The following PLA2G4B variants were observed in gnomAD, a reference collection of about 807,000 sequenced individuals.
The protein encoded by PLA2G4B is cytosolic phospholipase A2 beta.
PLA2G4B carries 122 observed loss-of-function variants against 95.8 expected under a neutral mutation model. The observed-to-expected ratio is 1.27, with a 90% CI of 1.10 to 1.48. The LOEUF is 1.48. Ranked by LOEUF, PLA2G4B falls within the 40% of genes most tolerant of loss-of-function variation. The probability of loss-of-function intolerance (pLI) is 0.00; values close to 1 mark genes in which losing one functional copy is unlikely to be tolerated. For missense variants in PLA2G4B, 1,158 were observed against 996.2 expected (o/e 1.16, Z -2.19); for synonymous variants, 518 against 421.5 (o/e 1.23, Z -2.80).
intron 17 of PLA2G4B, 70 bp downstream of exon 17, chr15:41,846,452 C>T (rs1316449137): frequency 1.5e-5 from 23 of 1,548,386 alleles, no homozygotes; most frequent in Non-Finnish European, 1.8e-5. Flanking sequence ...ATACCCCTCA[C>T]AGTCCACTCC....
chr15:41,844,870 G>A lies in PLA2G4B; in HGVS notation c.1039G>A (p.Asp347Asn). The A allele has an allele frequency of 6.2e-7, 1 of 1,608,866 alleles. No individual in the cohort carries two copies. The highest frequency in any genetic ancestry group is 8.5e-7 in the Non-Finnish European group (1 of 1,177,996). The change falls in exon 13 of 20, where the codon GAC (aspartate) becomes AAC (asparagine). Residue 347 changes from aspartate to asparagine, a missense_variant. Physicochemically the swap from Asp to Asn is conservative, Grantham distance 23. Transcript: ENST00000458483. ...CAGGGCCTTGGCCAACCTTTATGAG[G>A]ACCCAGAGTGGTCTCAGAAGGACCT... ...STWALANLYE[D>N]PEWSQKDLAG... is the part of the protein sequence containing the mutation.
chr15:41,846,686 C>T lies in PLA2G4B; in HGVS notation c.1798C>T (p.Leu600Phe). 1 of 1,611,238 alleles carries T rather than the reference C, an allele frequency of 6.2e-7. No individual in the cohort carries two copies. Among genetic ancestry groups the T allele is most frequent in the Non-Finnish European group, 8.5e-7 (1 of 1,178,056 alleles). ...CCTTCCAGCTACCACTCTGGATGGG[C>T]TCCCCAACCAGCTGACACCCTCGGA... Reference protein sequence around the residue: ...STWKATTLDGLPNQLTPSEPH... With the variant: ...STWKATTLDGFPNQLTPSEPH... The change falls in exon 18 of 20, where the codon CTC becomes TTC. Residue 600 changes from leucine to phenylalanine, a missense_variant. Physicochemically the swap from Leu to Phe is conservative, Grantham distance 22. Transcript: ENST00000458483.
chr15:41,845,523 A>T (rs1044088087), intron 14 of PLA2G4B, 115 bp from the exon 15 acceptor site: 1 of 1,515,500 alleles, frequency 6.6e-7, no homozygotes, highest in Non-Finnish European at 8.8e-7. Flanking sequence ...AGCCCAGGCC[A>T]CAAGGCCTGG....
In PLA2G4B at chr15:41,840,150, C is replaced by T. The variant is rs755979718; in HGVS notation, c.10-8C>T. On this transcript the variant is annotated splice_polypyrimidine_tract_variant and splice_region_variant and intron_variant, in intron 1 of 19. Coordinates refer to ENST00000458483, the MANE Select transcript of PLA2G4B (RefSeq NM_001114633.2). ...CCGTAGCAGGTCTCCCCTCTCCCAC[C>T]TCTGCAGGCAGAGGTGTCCAGGACC... The T allele has an allele frequency of 3.7e-6, 6 of 1,612,738 alleles. No homozygotes were observed. The African/African-American group carries it at 4.0e-5, about 11-fold the overall frequency.
At chr15:41,847,226 T>G (rs945017702) in intron 18 of PLA2G4B, 111 bp from the exon 19 acceptor site, 1 of 1,472,610 alleles carries the variant, frequency 6.8e-7, no homozygotes, top group African/African-American at 1.4e-5. Flanking sequence ...TAGGCCCCAC[T>G]GGAGACCGTT....
At chr15:41,840,256 G>A (rs1010094236) in intron 2 of PLA2G4B, 26 bp downstream of exon 2, 1 of 1,611,582 alleles carries the variant, frequency 6.2e-7, no homozygotes, top group Non-Finnish European at 8.5e-7. Context: ...CCTGGCCCCT[G>A]TGCTGGGCTG....
intron 16 of PLA2G4B, 40 bp downstream of exon 16, chr15:41,846,087 G>C (rs750250378): frequency 1.3e-6 from 2 of 1,569,230 alleles, no homozygotes; most frequent in East Asian, 4.5e-5. Flanking sequence ...CCAAGGGGCA[G>C]CCAGCTGGGG....
intron 5 of PLA2G4B, 64 bp downstream of exon 5, chr15:41,841,159 T>TG: frequency 6.2e-7 from 1 of 1,613,930 alleles, no homozygotes; most frequent in Non-Finnish European, 8.5e-7. Context: ...CACTAGTGCC[T>TG]GGGGGATGCC....
At position 41,840,636 on chromosome 15, in the gene PLA2G4B, C is replaced by T; in HGVS notation, c.195C>T (p.His65=). 1 of 1,613,826 alleles carries T rather than the reference C, an allele frequency of 6.2e-7. No individual in the cohort carries two copies. The highest frequency in any genetic ancestry group is 1.7e-5 in the Admixed American group (1 of 60,000). ...SSSPVWNQSF[H]FRIHRQLKNV... ...GCCCTGTCTGGAACCAGAGCTTTCA[C>T]TTCAGGATCCACAGGCAGCTCAAGG... Residue 65 remains histidine (H), a synonymous_variant, in exon 3 of 20, where the codon CAC becomes CAT. Transcript: ENST00000458483.
In PLA2G4B at chr15:41,847,915, C is replaced by A; in HGVS notation, c.*55C>A. The A allele has an allele frequency of 1.3e-6, 2 of 1,560,276 alleles. No individual in the cohort carries two copies. The highest frequency in any genetic ancestry group is 1.7e-6 in the Non-Finnish European group (2 of 1,157,402). On this transcript the variant is annotated 3_prime_UTR_variant, in exon 20 of 20. Transcript: ENST00000458483. ...CATTCATTCCCTGGCTGCTGAGTTG[C>A]AGGTGGGAACTGTCATCACGCAGTG...
In PLA2G4B at chr15:41,846,716, C is replaced by A. The variant is rs765425966; in HGVS notation, c.1828C>A (p.His610Asn). 2.5e-6 allele frequency: 4 copies of A among 1,613,952 alleles called. No individual in the cohort carries two copies. Among genetic ancestry groups the A allele is most frequent in the Middle Eastern group, 1.7e-4 (1 of 6,060 alleles). Residue 610 changes from histidine to asparagine, a missense_variant, in exon 18 of 20, where the codon CAC becomes AAC. His to Asn is a moderately conservative substitution (Grantham distance 68, BLOSUM62 1). Coordinates refer to ENST00000458483, the MANE Select transcript of PLA2G4B (RefSeq NM_001114633.2). Reference protein sequence around the residue: ...LPNQLTPSEPHLCLLDVGYLI... With the variant: ...LPNQLTPSEPNLCLLDVGYLI... ...CAACCAGCTGACACCCTCGGAGCCCCACCTGTGCCTGCTGGATGTTGGCTA... is the reference window on the plus strand; with the variant it reads ...CAACCAGCTGACACCCTCGGAGCCCAACCTGTGCCTGCTGGATGTTGGCTA...
At chr15:41,840,131 C>G in intron 1 of PLA2G4B, 27 bp from the exon 2 acceptor site, 1 of 1,609,798 alleles carries the variant, frequency 6.2e-7, no homozygotes, top group East Asian at 2.2e-5. Context: ...CGGCCCGTAG[C>G]AGGTCTCCCC....
At chr15:41,842,021 GACCTCTGCTCC>G in intron 8 of PLA2G4B, 72 bp downstream of exon 8, 2 of 1,570,536 alleles carry the variant, frequency 1.3e-6, no homozygotes, top group Non-Finnish European at 1.7e-6. Flanking sequence ...CTCCCAGTCT[GACCTCTGCTCC>G]ACCTGGCAGA....
Position 41,841,212 on chromosome 15 carries a change from C to T in PLA2G4B, c.393-19C>T, listed in dbSNP as rs1471498909. The T allele has an allele frequency of 2.5e-6, 4 of 1,613,832 alleles. No homozygotes were observed. In the Admixed American group the frequency reaches 5.0e-5, roughly 20 times the overall value. ...GGAACCTGGACTCCTGCTAAGGGGG[C>T]TCTGGGGGCTCTTTCCAGGGCTGAC... On this transcript the variant is annotated intron_variant, in intron 5 of 19. Coordinates refer to ENST00000458483, the MANE Select transcript of PLA2G4B (RefSeq NM_001114633.2).
At position 41,845,685 on chromosome 15, in the gene PLA2G4B, G is replaced by C. The variant is rs764723871; in HGVS notation, c.1405G>C (p.Ala469Pro). ...PYEVGFPKYG[A>P]FIPSELFGSE... Reference sequence around the variant, plus strand: ...CGAGGTCGGCTTCCCCAAGTACGGGGCCTTCATCCCCTCTGAGCTCTTTGG... The same window carrying C: ...CGAGGTCGGCTTCCCCAAGTACGGGCCCTTCATCCCCTCTGAGCTCTTTGG... The change falls in exon 15 of 20, where the codon GCC becomes CCC. Residue 469 changes from alanine to proline, a missense_variant. Ala to Pro is a conservative substitution (Grantham distance 27). Transcript: ENST00000458483. The C allele has an allele frequency of 1.1e-4, 172 of 1,614,026 alleles. No individual in the cohort carries two copies. The highest frequency in any genetic ancestry group is 1.4e-4 in the Non-Finnish European group (164 of 1,180,016).
chr15:41,839,046 C>G, intron 1 of PLA2G4B, 124 bp downstream of exon 1: 1 of 757,170 alleles, frequency 1.3e-6, no homozygotes, highest in Non-Finnish European at 2.1e-6. Flanking sequence ...TTATTGACCA[C>G]AAGACCAGGG....
At position 41,847,525 on chromosome 15, in the gene PLA2G4B, T is replaced by A; in HGVS notation, c.2134+2T>A. ...CCTTCCGGGAGTACTCGGCCCCTGG[T>A]GAGCTGCTGTTCACCTCCCCATCCT... On this transcript the variant is annotated splice_donor_variant, in intron 19 of 19. Coordinates refer to ENST00000458483, the MANE Select transcript of PLA2G4B (RefSeq NM_001114633.2). LOFTEE classifies it high-confidence loss of function. The A allele has an allele frequency of 6.2e-7, 1 of 1,602,852 alleles. No homozygotes were observed. Among genetic ancestry groups the A allele is most frequent in the Non-Finnish European group, 8.5e-7 (1 of 1,172,062 alleles).
chr15:41,845,686 C>CCTT lies in PLA2G4B; in HGVS notation c.1408_1410dup (p.Phe470dup). ...GAGGTCGGCTTCCCCAAGTACGGGG[C>CCTT]CTTCATCCCCTCTGAGCTCTTTGGC... On this transcript the variant is annotated inframe_insertion, in exon 15 of 20. Coordinates refer to ENST00000458483, the MANE Select transcript of PLA2G4B (RefSeq NM_001114633.2). 6.2e-7 allele frequency: 1 copy of CCTT among 1,614,076 alleles called. No individual in the cohort carries two copies. The highest frequency in any genetic ancestry group is 1.7e-4 in the Middle Eastern group (1 of 6,060).
At chr15:41,846,947 G>C (rs1009135613) in intron 18 of PLA2G4B, 112 bp downstream of exon 18, 14 of 1,365,186 alleles carry the variant, frequency 1.0e-5, no homozygotes, top group South Asian at 6.5e-5. Context: ...GCTGTGATTG[G>C]GACACTGGAA....
Sources: allele counts gnomAD v4.1 joint callset, GRCh38; gene constraint gnomAD v4.1.1; transcripts MANE v1.5; gene names NCBI Gene and HGNC (gene_info 2026-07-23, HGNC 2026-07-21).